DLG2: variants seen among roughly 807,000 people sequenced by gnomAD.
The protein encoded by DLG2 is disks large homolog 2.
DLG2 carries 45 observed loss-of-function variants against 132.5 expected under a neutral mutation model. The observed-to-expected ratio is 0.34, with a 90% confidence interval of 0.27 to 0.44. DLG2 has a LOEUF of 0.44. Among genes scored for constraint, DLG2 ranks in the 20% least tolerant of loss-of-function variants. The pLI is 1.00. For synonymous variants in DLG2, 424 were observed against 419.6 expected, an observed-to-expected ratio of 1.01 and a Z score of -0.13; for missense variants, 1,045 against 1,196.9, an observed-to-expected ratio of 0.87 and a Z score of 1.87.
intron 3 of DLG2, among the ~76,000 whole-genome samples, chr11:85,400,126 G>C (rs2087902168): frequency 6.6e-6 from 1 of 152,060 alleles, no homozygotes; most frequent in Non-Finnish European, 1.5e-5. Context: ...GCAAACGATA[G>C]GAACAGACAC....
At chr11:85,152,508 G>A (rs1262286796) in intron 5 of DLG2, among the ~76,000 whole-genome samples, 2 of 151,934 alleles carry the variant, frequency 1.3e-5, no homozygotes, top group African/African-American at 4.8e-5. Flanking sequence ...CAAAGTGCTG[G>A]GATTACACCT....
At chr11:83,707,201 C>T (rs961471691) in intron 18 of DLG2, among the ~76,000 whole-genome samples, 3 of 152,122 alleles carry the variant, frequency 2.0e-5, no homozygotes, top group African/African-American at 7.2e-5. Flanking sequence ...ACACTGACTC[C>T]CCCAGGGCCT....
At chr11:84,483,469 A>T (rs1209647992) in intron 7 of DLG2, among the ~76,000 whole-genome samples, 1 of 145,722 alleles carries the variant, frequency 6.9e-6, no homozygotes, top group Non-Finnish European at 1.5e-5. Context: ...TGCTTACATT[A>T]GTCTCTGTAA....
chr11:83,764,035 A>G (rs900794176), intron 18 of DLG2, among the ~76,000 whole-genome samples: 3 of 152,222 alleles, frequency 2.0e-5, no homozygotes, highest in Non-Finnish European at 4.4e-5. Context: ...CATTTGTTTG[A>G]ACAAGAGCCT....
At chr11:83,521,095 C>T (rs1284582570) in intron 21 of DLG2, among the ~76,000 whole-genome samples, 3 of 152,284 alleles carry the variant, frequency 2.0e-5, no homozygotes, top group Middle Eastern at 3.4e-3. Context: ...ACATGAAAGA[C>T]GTCTTGTAAA....
intron 15 of DLG2, among the ~76,000 whole-genome samples, 176 bp from the exon 16 acceptor site, chr11:83,874,664 T>A (rs557515351): frequency 1.3e-5 from 2 of 152,270 alleles, no homozygotes; most frequent in South Asian, 4.1e-4. Flanking sequence ...ATTAGATATA[T>A]CTCCTAATGC....
intron 6 of DLG2, among the ~76,000 whole-genome samples, chr11:84,580,841 A>G (rs1228311078): frequency 3.9e-5 from 6 of 152,218 alleles, no homozygotes; most frequent in Admixed American, 3.9e-4. Context: ...TTTTATATTC[A>G]GTTGTTACCT....
intron 6 of DLG2, among the ~76,000 whole-genome samples, chr11:84,729,786 GC>G (rs1189178737): frequency 2.0e-5 from 3 of 151,944 alleles, no homozygotes; most frequent in Non-Finnish European, 4.4e-5. Flanking sequence ...TCTTGGCCAG[GC>G]TTTCCACTGC....
chr11:85,419,758 C>T (rs2090147763), intron 3 of DLG2, among the ~76,000 whole-genome samples: 1 of 152,212 alleles, frequency 6.6e-6, no homozygotes, highest in Admixed American at 6.5e-5. Flanking sequence ...ACAAAGTTCT[C>T]ATGCTGTGTT....
chr11:85,378,292 A>T (rs2085595790), intron 3 of DLG2, among the ~76,000 whole-genome samples: 1 of 152,126 alleles, frequency 6.6e-6, no homozygotes, highest in African/African-American at 2.4e-5. Context: ...GTGATTATTC[A>T]TGAAATGAAG....
intron 6 of DLG2, among the ~76,000 whole-genome samples, chr11:84,956,661 A>C (rs112865330): frequency 2.6e-5 from 4 of 152,206 alleles, no homozygotes; most frequent in Non-Finnish European, 5.9e-5. Flanking sequence ...AAGGCACTAC[A>C]TACATTTGAA....
chr11:83,874,457 G>C lies in DLG2; in HGVS notation c.1528C>G (p.Pro510Ala). 1 of 1,601,898 alleles carries C rather than the reference G, an allele frequency of 6.2e-7. No individual in the cohort carries two copies. Among genetic ancestry groups the C allele is most frequent in the Non-Finnish European group, 8.5e-7 (1 of 1,172,580 alleles). Residue 510 changes from proline (P) to alanine (A), a missense_variant, in exon 16 of 28, where the codon CCT (proline) becomes GCT (alanine). By Grantham distance (27) the Pro-to-Ala change is conservative. This residue lies in a region of DLG2 where 261 missense variants were observed against 256.1 expected (regional missense o/e 1.02). Transcript: ENST00000376104. ...ACGGCCCGTTGGAGAGTCATTGAAGGCTGACGAGTTGCGGTGCTATGTTGG... is the reference window on the plus strand; with the variant it reads ...ACGGCCCGTTGGAGAGTCATTGAAGCCTGACGAGTTGCGGTGCTATGTTGG... The part of the protein sequence containing the change: ...HSQHSTATRQ[P>A]SMTLQRAVSL...
intron 6 of DLG2, among the ~76,000 whole-genome samples, chr11:84,984,778 A>T (rs1207676040): frequency 6.6e-6 from 1 of 152,212 alleles, no homozygotes; most frequent in Non-Finnish European, 1.5e-5. Context: ...ACTTAAGGTA[A>T]AGGGATGGAA....
At chr11:84,177,252 A>C (rs2095996693) in intron 8 of DLG2, among the ~76,000 whole-genome samples, 1 of 152,098 alleles carries the variant, frequency 6.6e-6, no homozygotes, top group African/African-American at 2.4e-5. Context: ...AACATCTTCC[A>C]TGATTCTCCT....
At chr11:85,345,196 C>T (rs2082747720) in intron 3 of DLG2, among the ~76,000 whole-genome samples, 1 of 152,040 alleles carries the variant, frequency 6.6e-6, no homozygotes, top group Non-Finnish European at 1.5e-5. Context: ...TAAATATTGC[C>T]AAAATTCATC....
rs190807212 is a variant in DLG2 at position 85,103,842 on chromosome 11, A to G, written c.357+7819T>C. On this transcript the variant is annotated intron_variant, in intron 6 of 27. Transcript: ENST00000376104. ...CATATCTGATAAGGGACTAATATCC[A>G]GAACATGTAAAGAACTCTTACAACT... 4.1e-3 allele frequency among the ~76,000 whole-genome samples: 624 copies of G among 152,082 alleles called. 3 individuals carry two copies. The highest frequency in any genetic ancestry group is 5.8e-3 in the Non-Finnish European group (394 of 67,890).
chr11:83,842,607 T>C (rs1302029505), intron 16 of DLG2, among the ~76,000 whole-genome samples: 1 of 145,502 alleles, frequency 6.9e-6, no homozygotes, highest in Non-Finnish European at 1.5e-5. Flanking sequence ...GGCGGGTGGA[T>C]CACGAGGTCA....
intron 7 of DLG2, among the ~76,000 whole-genome samples, chr11:84,498,828 A>G (rs1390834052): frequency 6.6e-6 from 1 of 152,222 alleles, no homozygotes; most frequent in African/African-American, 2.4e-5. Flanking sequence ...TTTGTAACAA[A>G]ATCAATTACA....
At chr11:85,099,197 C>T (rs2070436806) in intron 6 of DLG2, among the ~76,000 whole-genome samples, 1 of 152,180 alleles carries the variant, frequency 6.6e-6, no homozygotes, top group Admixed American at 6.5e-5. Context: ...GGCACTGAGT[C>T]CTGCTTTGTA....
Sources: gnomAD v4.1 joint callset for allele counts (sites outside exome capture counted in the v4.1 genomes callset) on GRCh38, gnomAD v4.1.1 for gene constraint, gnomAD v4.1.1 regional missense constraint, MANE v1.5 for transcripts, NCBI Gene and HGNC (gene_info 2026-07-23, HGNC 2026-07-21) for gene names.